APP: variants seen among roughly 807,000 people sequenced by gnomAD.
APP encodes amyloid-beta precursor protein.
APP carries 31 observed loss-of-function variants against 101.4 expected under a neutral mutation model. The observed-to-expected ratio is 0.31, with a 90% CI of 0.23 to 0.41. The LOEUF is 0.41. Ranked by LOEUF, APP falls within the 10% of genes least tolerant of loss-of-function variation. APP has a pLI of 1.00. For missense variants in APP, 839 were observed against 1,003.7 expected (o/e 0.84, Z 2.22); for synonymous variants, 366 against 364.4 (o/e 1.00, Z -0.05).
At chr21:26,053,479 AC>A (rs2045919387) in intron 3 of APP, 131 bp from the exon 4 acceptor site, 1 of 691,182 alleles carries the variant, frequency 1.4e-6, no homozygotes, top group Non-Finnish European at 2.7e-6. Context: ...CCCAATCAAG[AC>A]CCTACTACCT....
chr21:25,956,115 A>G (rs527471306), intron 11 of APP, among the ~76,000 whole-genome samples: 3 of 152,342 alleles, frequency 2.0e-5, no homozygotes, highest in African/African-American at 7.2e-5. Context: ...CATATGTGAG[A>G]CTACATTGCT....
chr21:26,065,015 A>G (rs1297936347), intron 3 of APP, among the ~76,000 whole-genome samples: 2 of 152,100 alleles, frequency 1.3e-5, no homozygotes, highest in East Asian at 3.9e-4. Flanking sequence ...CACCACGCCC[A>G]GCTGGTTTTT....
chr21:26,100,094 A>G (rs2062023972), intron 2 of APP, among the ~76,000 whole-genome samples: 1 of 152,230 alleles, frequency 6.6e-6, no homozygotes, highest in South Asian at 2.1e-4. Context: ...AAATAAAAAT[A>G]AATAGGACAG....
chr21:26,088,945 C>A (rs998411128), intron 3 of APP, among the ~76,000 whole-genome samples: 6 of 152,166 alleles, frequency 3.9e-5, no homozygotes, highest in Admixed American at 3.9e-4. Context: ...GAATGAACAG[C>A]AATCAGTATG....
chr21:26,164,374 G>A (rs778010516), intron 1 of APP, among the ~76,000 whole-genome samples: 10 of 152,192 alleles, frequency 6.6e-5, no homozygotes, highest in Non-Finnish European at 8.8e-5. Flanking sequence ...TTCCATATTA[G>A]GACCAAAATT....
At chr21:26,040,801 G>C (rs1436780302) in intron 5 of APP, among the ~76,000 whole-genome samples, 3 of 150,960 alleles carry the variant, frequency 2.0e-5, no homozygotes, top group Non-Finnish European at 4.4e-5. Context: ...GTACATTCTA[G>C]AGTTTAAGCT....
intron 13 of APP, among the ~76,000 whole-genome samples, chr21:25,913,731 A>G (rs557458433): frequency 6.6e-6 from 1 of 152,178 alleles, no homozygotes; most frequent in Non-Finnish European, 1.5e-5. Flanking sequence ...AAATGTTCTC[A>G]CTGTTTCGCA....
chr21:26,030,357 C>A (rs965590244), intron 5 of APP, among the ~76,000 whole-genome samples: 3 of 152,132 alleles, frequency 2.0e-5, no homozygotes, highest in African/African-American at 2.4e-5. Context: ...GACATGGTAT[C>A]CAATGGTACT....
At position 26,019,879 on chromosome 21, in the gene APP, G is replaced by A. The variant is rs150332822; in HGVS notation, c.865+1961C>T. On this transcript the variant is annotated intron_variant, in intron 6 of 17. Coordinates refer to ENST00000346798, the MANE Select transcript of APP (RefSeq NM_000484.4). ...TCTGCCATAGTTGGTCCTAACAGTT[G>A]TATGAAAAACACCCTGAGAAAGCAT... 5.9e-3 allele frequency among the ~76,000 whole-genome samples: 892 copies of A among 152,332 alleles called. 8 individuals carry two copies. The highest frequency in any genetic ancestry group is 0.021 in the African/African-American group (856 of 41,570).
chr21:26,047,937 A>T (rs2045677636), intron 5 of APP, among the ~76,000 whole-genome samples: 1 of 152,252 alleles, frequency 6.6e-6, no homozygotes, highest in Admixed American at 6.5e-5. Context: ...GTCACATGAT[A>T]TTTCAGATAT....
chr21:26,111,854 A>C (rs2062331806), intron 2 of APP, 125 bp downstream of exon 2: 2 of 941,826 alleles, frequency 2.1e-6, no homozygotes, highest in Non-Finnish European at 3.5e-6. Flanking sequence ...TGGTATGGTG[A>C]ATCATTAGGA....
At chr21:25,962,249 A>G (rs973016998) in intron 11 of APP, among the ~76,000 whole-genome samples, 4 of 152,172 alleles carry the variant, frequency 2.6e-5, no homozygotes, top group Non-Finnish European at 5.9e-5. Flanking sequence ...ATAATTTATT[A>G]AAGGATTAAG....
At chr21:25,893,180 G>A (rs2037810569) in intron 16 of APP, among the ~76,000 whole-genome samples, 1 of 152,074 alleles carries the variant, frequency 6.6e-6, no homozygotes, top group South Asian at 2.1e-4. Flanking sequence ...CATAAAGACA[G>A]CAAACTAAAT....
At chr21:25,958,894 C>A (rs900150227) in intron 11 of APP, among the ~76,000 whole-genome samples, 4 of 152,150 alleles carry the variant, frequency 2.6e-5, no homozygotes, top group Admixed American at 2.6e-4. Context: ...CGTCTCAGCC[C>A]TATGACAGAG....
chr21:26,098,014 A>G (rs1185832409), intron 2 of APP, among the ~76,000 whole-genome samples: 1 of 139,418 alleles, frequency 7.2e-6, no homozygotes. Flanking sequence ...TGGGAGGCGG[A>G]GCTTGCAGTG....
chr21:25,969,077 C>T (rs571370053), intron 11 of APP, among the ~76,000 whole-genome samples: 1 of 152,032 alleles, frequency 6.6e-6, no homozygotes, highest in East Asian at 1.9e-4. Context: ...CATTTAATTA[C>T]GCCTGCAATC....
Position 26,119,155 on chromosome 21 carries a change from C to T in APP, c.58-7009G>A, listed in dbSNP as rs150821220. 1.7e-3 allele frequency among the ~76,000 whole-genome samples: 255 copies of T among 152,306 alleles called. 2 individuals are homozygous for T. The highest frequency in any genetic ancestry group is 5.8e-3 in the African/African-American group (240 of 41,574). On this transcript the variant is annotated intron_variant, in intron 1 of 17. Transcript: ENST00000346798. ...TACTCAAGAGTGTTATTCCAAAGCA[C>T]ATGCTTGCTTTTTGACAGAACAAGC...
chr21:26,072,856 G>T (rs2061432571), intron 3 of APP, among the ~76,000 whole-genome samples: 1 of 152,176 alleles, frequency 6.6e-6, no homozygotes, highest in East Asian at 1.9e-4. Context: ...TATCCCAAAT[G>T]GTACTCAGCA....
At chr21:26,146,697 C>T (rs1001325331) in intron 1 of APP, among the ~76,000 whole-genome samples, 4 of 152,204 alleles carry the variant, frequency 2.6e-5, no homozygotes, top group African/African-American at 9.6e-5. Context: ...ATTCAGCGCA[C>T]TATTCTCTCT....
Sources: gnomAD v4.1 joint callset for allele counts (sites outside exome capture counted in the v4.1 genomes callset) on GRCh38, gnomAD v4.1.1 for gene constraint, MANE v1.5 for transcripts, NCBI Gene and HGNC (gene_info 2026-07-23, HGNC 2026-07-21) for gene names.